GPAM: variants seen among roughly 807,000 people sequenced by gnomAD.
The protein encoded by GPAM is glycerol-3-phosphate acyltransferase, mitochondrial, also known as glycerol-3-phosphate acyltransferase 1, mitochondrial.
In GPAM, 56 loss-of-function variants were observed where a neutral mutation model predicts 105.0. The ratio of observed to expected loss-of-function variants is 0.53; its 90% CI spans 0.43 to 0.67. The LOEUF (loss-of-function observed/expected upper bound fraction) is 0.67, where lower values mean the gene tolerates loss of function less well. GPAM is among the 30% of genes least tolerant of loss of function. The pLI, the probability that GPAM is intolerant of heterozygous loss-of-function variation, is 0.00. For synonymous variants in GPAM, 368 were observed against 354.4 expected, an observed-to-expected ratio of 1.04 and a Z score of -0.43; for missense variants, 855 against 989.8, an observed-to-expected ratio of 0.86 and a Z score of 1.83.
intron 1 of GPAM, among the ~76,000 whole-genome samples, chr10:112,194,580 C>T (rs1041394755): frequency 1.1e-4 from 16 of 152,150 alleles, no homozygotes; most frequent in African/African-American, 3.1e-4. Flanking sequence ...GAAAATAAAG[C>T]GTCTTGTCTT....
chr10:112,195,162 A>G (rs1000167866), intron 1 of GPAM, among the ~76,000 whole-genome samples: 1 of 151,880 alleles, frequency 6.6e-6, no homozygotes, highest in Non-Finnish European at 1.5e-5. Flanking sequence ...CCCCATACAC[A>G]TCAGCCAGCC....
At chr10:112,213,673 A>T (rs1847937700) in intron 1 of GPAM, among the ~76,000 whole-genome samples, 1 of 152,178 alleles carries the variant, frequency 6.6e-6, no homozygotes, top group Admixed American at 6.5e-5. Flanking sequence ...AAGAGACCTG[A>T]CTAATCTCCT....
In GPAM at chr10:112,168,381, G is replaced by A. The variant is rs753533091; in HGVS notation, c.1038C>T (p.Asp346=). The change falls in exon 11 of 22, where the codon GAC becomes GAT. Residue 346 remains aspartate (D), a synonymous_variant. Transcript: ENST00000348367. ...AGATTCCAACAGGTATTATCAAGAT[G>A]TCTGGGATGACATTGGTAGACAGAG... The part of the protein sequence containing the change: ...VDTLSTNVIP[D]ILIIPVGISY... The A allele has an allele frequency of 1.9e-6, 3 of 1,610,654 alleles. No individual in the cohort carries two copies. The highest frequency in any genetic ancestry group is 2.2e-5 in the East Asian group (1 of 44,868).
At chr10:112,186,997 C>T (rs34675642), upstream of GPAM, among the ~76,000 whole-genome samples, 17,019 of 152,158 alleles carry the variant, frequency 0.11, 1,064 homozygotes, top group South Asian at 0.2. Context: ...TCTTATCTTA[C>T]GCACCAAGCA....
chr10:112,158,832 A>C (rs1847066934), intron 17 of GPAM, among the ~76,000 whole-genome samples: 1 of 152,240 alleles, frequency 6.6e-6, no homozygotes, highest in Non-Finnish European at 1.5e-5. Flanking sequence ...TAAATACCAG[A>C]GAAAGGACAA....
chr10:112,183,748 T>C lies in GPAM; in HGVS notation c.-183A>G, dbSNP rs570676828. 5 of 152,234 alleles carry C rather than the reference T, an allele frequency of 3.3e-5. No individual in the cohort carries two copies. The South Asian group carries it at 1.0e-3, about 31-fold the overall frequency. 9.4% of individuals were successfully genotyped at this position (152,234 alleles called of 1,614,324 possible). On this transcript the variant is annotated 5_prime_UTR_variant, in exon 1 of 22. Transcript: ENST00000348367. Reference sequence around the variant, plus strand: ...AGCCCGCACTTCCAGTCCCGGCCAATGCCAGCTGCAGTGGCGCACCCTGAT... The same window carrying C: ...AGCCCGCACTTCCAGTCCCGGCCAACGCCAGCTGCAGTGGCGCACCCTGAT...
chr10:112,224,542 T>C, the GPAM span, among the ~76,000 whole-genome samples: 2 of 152,010 alleles, frequency 1.3e-5, no homozygotes, highest in Non-Finnish European at 1.5e-5. Context: ...TCCAAGCAAG[T>C]GTCTGTATTC....
chr10:112,209,224 G>A (rs1450219463), intron 1 of GPAM, among the ~76,000 whole-genome samples: 2 of 152,198 alleles, frequency 1.3e-5, no homozygotes, highest in Admixed American at 1.3e-4. Flanking sequence ...GAGCTAATTA[G>A]ACATGGGGCA....
At chr10:112,216,605 T>C (rs1847971621), upstream of GPAM, among the ~76,000 whole-genome samples, 2 of 150,418 alleles carry the variant, frequency 1.3e-5, no homozygotes, top group South Asian at 4.2e-4. Flanking sequence ...CTCTCCTTTT[T>C]TATTTTTATT....
chr10:112,158,890 C>T lies in GPAM; in HGVS notation c.1903-497G>A, dbSNP rs113767986. 3.5e-3 allele frequency among the ~76,000 whole-genome samples: 530 copies of T among 152,280 alleles called. 2 individuals are homozygous for T. The highest frequency in any genetic ancestry group is 0.012 in the African/African-American group (502 of 41,552). On this transcript the variant is annotated intron_variant, in intron 17 of 21. Transcript: ENST00000348367. Reference sequence around the variant, plus strand: ...TGCCCTCATCCCTTCCATCCCACCACCCAAGGTTCATGCAAAACAGATTCC... The same window carrying T: ...TGCCCTCATCCCTTCCATCCCACCATCCAAGGTTCATGCAAAACAGATTCC...
intron 1 of GPAM, among the ~76,000 whole-genome samples, chr10:112,211,490 A>G (rs957630126): frequency 6.6e-6 from 1 of 152,202 alleles, no homozygotes; most frequent in South Asian, 2.1e-4. Context: ...CGGGCTATTA[A>G]GGATTCAAAT....
rs770917151 is a variant in GPAM at position 112,153,683 on chromosome 10, GATTAA to G, written c.2371-22_2371-18del. 8.5e-5 allele frequency: 137 copies of G among 1,606,810 alleles called. No homozygotes were observed. Among genetic ancestry groups the G allele is most frequent in the Non-Finnish European group, 1.1e-4 (127 of 1,174,822 alleles). On this transcript the variant is annotated intron_variant, in intron 21 of 21. Transcript: ENST00000348367. ...CTTGAAAACCTAAAGAAAAGGTTTA[GATTAA>G]ATTAAAGGCAAAAAATAAAAAATAA...
chr10:112,213,947 C>T (rs1230795309), intron 1 of GPAM, among the ~76,000 whole-genome samples: 6 of 152,184 alleles, frequency 3.9e-5, no homozygotes, highest in Admixed American at 2.0e-4. Flanking sequence ...GGCTTGTCCT[C>T]CACCTCTTGG....
chr10:112,170,391 C>T (rs552030631), intron 9 of GPAM, among the ~76,000 whole-genome samples: 4 of 152,292 alleles, frequency 2.6e-5, no homozygotes, highest in African/African-American at 9.6e-5. Flanking sequence ...CTAACTACAG[C>T]CTGCTGTGTC....
At position 112,168,888 on chromosome 10, in the gene GPAM, G is replaced by A. The variant is rs1173581489; in HGVS notation, c.859C>T (p.Arg287Trp). The A allele has an allele frequency of 5.6e-6, 9 of 1,610,476 alleles. No homozygotes were observed. The highest frequency in any genetic ancestry group is 1.1e-5 in the South Asian group (1 of 91,006). Residue 287 changes from arginine (R) to tryptophan (W), a missense_variant, in exon 10 of 22, where the codon CGG (arginine) becomes TGG (tryptophan). By Grantham distance (101) the Arg-to-Trp change is moderately radical. Transcript: ENST00000348367. ...RRRLDETPDG[R>W]KDVLYRALLH... ...AAAGCTCTATAGAGAACATCTTTCC[G>A]TCCATCTGGTGTTTCATCGAGCCTT...
intron 1 of GPAM, among the ~76,000 whole-genome samples, chr10:112,208,898 A>G (rs181788415): frequency 1.3e-5 from 2 of 152,354 alleles, no homozygotes; most frequent in African/African-American, 2.4e-5. Context: ...TGGAAAAAAC[A>G]TCATAAGCCA....
Position 112,160,678 on chromosome 10 carries a change from G to T in GPAM, c.1685C>A (p.Thr562Asn). The change falls in exon 16 of 22, where the codon ACT becomes AAT. Residue 562 changes from threonine (T) to asparagine (N), a missense_variant. Thr to Asn is a moderately conservative substitution (Grantham distance 65). Transcript: ENST00000348367. The stretch of plus-strand genomic sequence containing the variant: ...GTTGAGTTCGAAGACTGATGGGACA[G>T]TTGTGCTGGGGGTGATAAAAAACTC... ...NDEFFITPST[T>N]VPSVFELNFY... 6.2e-7 allele frequency: 1 copy of T among 1,613,528 alleles called. No individual in the cohort carries two copies.
chr10:112,167,431 T>C (rs1847237821), intron 11 of GPAM, among the ~76,000 whole-genome samples: 2 of 152,124 alleles, frequency 1.3e-5, no homozygotes, highest in Non-Finnish European at 2.9e-5. Context: ...AAAATGAATA[T>C]ATATGGTCAT....
intron 1 of GPAM, among the ~76,000 whole-genome samples, chr10:112,203,850 A>C (rs2133298169): frequency 6.6e-6 from 1 of 152,322 alleles, no homozygotes; most frequent in East Asian, 1.9e-4. Context: ...TAGGTGGCAA[A>C]GCTGGGATTT....
Sources: allele counts gnomAD v4.1 joint callset (sites outside exome capture counted in the v4.1 genomes callset), GRCh38; gene constraint gnomAD v4.1.1; transcripts MANE v1.5; gene names NCBI Gene and HGNC (gene_info 2026-07-23, HGNC 2026-07-21).